DZANK1: variants seen among roughly 807,000 people sequenced by gnomAD.
DZANK1 encodes the protein double zinc ribbon and ankyrin repeat domains 1, also known as double zinc ribbon and ankyrin repeat-containing protein 1.
Under a neutral mutation model 94.5 loss-of-function variants are expected in DZANK1, and 91 were observed. The observed-to-expected ratio is 0.96, with a 90% CI of 0.81 to 1.15. DZANK1 has a LOEUF of 1.15. Ranked by LOEUF, DZANK1 falls within the 50% of genes most tolerant of loss-of-function variation. The probability of loss-of-function intolerance (pLI) is 0.00; values close to 1 mark genes in which losing one functional copy is unlikely to be tolerated. For synonymous variants in DZANK1, 312 were observed against 325.3 expected, an observed-to-expected ratio of 0.96 and a Z score of 0.44; for missense variants, 903 against 916.4, an observed-to-expected ratio of 0.99 and a Z score of 0.19.
intron 8 of DZANK1, among the ~76,000 whole-genome samples, chr20:18,436,842 G>A (rs1051615713): frequency 2.6e-5 from 4 of 152,102 alleles, no homozygotes; most frequent in South Asian, 2.1e-4. Flanking sequence ...AAAAAACCAC[G>A]CATCAAAAAC....
At chr20:18,445,900 G>A (rs1257054255) in intron 7 of DZANK1, among the ~76,000 whole-genome samples, 5 of 152,072 alleles carry the variant, frequency 3.3e-5, no homozygotes, top group Non-Finnish European at 7.4e-5. Context: ...GGGATTGACA[G>A]GCATGTGCCA....
At chr20:18,433,882 G>A (rs1259850735) in intron 8 of DZANK1, 117 bp from the exon 9 acceptor site, 3 of 845,300 alleles carry the variant, frequency 3.5e-6, no homozygotes, top group Non-Finnish European at 5.5e-6. Flanking sequence ...GATCTCATCT[G>A]ATCTCAAAAC....
In DZANK1 at chr20:18,445,008, T is replaced by C. The variant is rs987285883; in HGVS notation, c.630-1544A>G. Among the ~76,000 whole-genome samples the C allele has an allele frequency of 3.9e-5, 6 of 151,944 alleles. No homozygotes were observed. In the East Asian group the frequency reaches 7.8e-4, roughly 20 times the overall value. On this transcript the variant is annotated intron_variant, in intron 7 of 20. Coordinates refer to ENST00000262547, the Ensembl canonical transcript of DZANK1. ...AGTTTTAGTAGAGATGGGGTTTCAC[T>C]GTGTTAGCCAAGATGATCTCGATCT...
At chr20:18,387,753 T>C (rs1488133591) in intron 19 of DZANK1, among the ~76,000 whole-genome samples, 1 of 152,202 alleles carries the variant, frequency 6.6e-6, no homozygotes, top group Admixed American at 6.5e-5. Flanking sequence ...GTAGGAATGA[T>C]ACAAACATGG....
At chr20:18,394,932 CATA>C in intron 15 of DZANK1, 2 of 455,102 alleles carry the variant, frequency 4.4e-6, no homozygotes, top group Admixed American at 4.7e-5. Flanking sequence ...TGGGCGTCTA[CATA>C]ATGAGGCCAG....
chr20:18,437,001 C>T (rs746798972), intron 8 of DZANK1, among the ~76,000 whole-genome samples: 16 of 152,104 alleles, frequency 1.1e-4, no homozygotes, highest in Non-Finnish European at 1.5e-4. Flanking sequence ...AGAGAAATGG[C>T]TATCAGGCAT....
chr20:18,403,801 T>C (rs1023636860), intron 13 of DZANK1, among the ~76,000 whole-genome samples: 27 of 146,802 alleles, frequency 1.8e-4, no homozygotes, highest in African/African-American at 6.3e-4. Flanking sequence ...TCTTTCTTTT[T>C]TTTTTTTTTT....
chr20:18,384,917 C>T, intron 20 of DZANK1, 99 bp downstream of exon 20: 2 of 1,173,884 alleles, frequency 1.7e-6, no homozygotes, highest in Non-Finnish European at 1.2e-6. Flanking sequence ...TGGACAGGGA[C>T]AGCAGTTCAG....
At chr20:18,435,763 T>TAA (rs527816359) in intron 8 of DZANK1, among the ~76,000 whole-genome samples, 2 of 138,876 alleles carry the variant, frequency 1.4e-5, no homozygotes, top group Non-Finnish European at 3.2e-5. Context: ...AAAGTATAAT[T>TAA]AAAAAAAAAA....
intron 1 of DZANK1, 62 bp downstream of exon 1, chr20:18,466,934 G>C (rs1270295089): frequency 6.5e-6 from 1 of 152,700 alleles, no homozygotes; most frequent in Admixed American, 6.5e-5. Flanking sequence ...CTAACCGCGG[G>C]GCCCGGGATC....
chr20:18,449,208 T>C (rs964964274), intron 6 of DZANK1, 139 bp from the exon 7 acceptor site: 18 of 694,166 alleles, frequency 2.6e-5, no homozygotes, highest in African/African-American at 3.6e-5. Context: ...ATAGACACTA[T>C]AGACTCTAAA....
intron 13 of DZANK1, among the ~76,000 whole-genome samples, chr20:18,403,796 C>CTTTTTT (rs35824877): frequency 4.7e-4 from 52 of 111,736 alleles, no homozygotes; most frequent in Non-Finnish European, 5.2e-4. Context: ...AACTTTCTTT[C>CTTTTTT]TTTTTTTTTT....
intron 8 of DZANK1, among the ~76,000 whole-genome samples, chr20:18,434,545 CAAAAAAA>C (rs55680576): frequency 2.1e-5 from 1 of 47,560 alleles, no homozygotes; most frequent in Non-Finnish European, 4.1e-5. Context: ...GACTCCTGCT[CAAAAAAA>C]AAAAAAAAAA....
rs536759611 is a variant in DZANK1, at chr20:18,391,351, A to C, written c.1810-892T>G. On this transcript the variant is annotated intron_variant, in intron 17 of 20. Transcript: ENST00000262547. ...TAGGTTTCAGCAATTCTCCTGTCTCAGCCTCCTGAGTAGCTGGGACTACAG... is the reference window on the plus strand; with the variant it reads ...TAGGTTTCAGCAATTCTCCTGTCTCCGCCTCCTGAGTAGCTGGGACTACAG... 1.8e-4 allele frequency among the ~76,000 whole-genome samples: 28 copies of C among 152,120 alleles called. No homozygotes were observed. The East Asian group carries it at 5.2e-3, about 28-fold the overall frequency.
At chr20:18,449,162 T>C (rs2059001282) in intron 6 of DZANK1, 93 bp from the exon 7 acceptor site, 6 of 983,548 alleles carry the variant, frequency 6.1e-6, no homozygotes, top group Non-Finnish European at 9.5e-6. Context: ...TAAAAATCAT[T>C]ATGGGTGAAT....
intron 9 of DZANK1, among the ~76,000 whole-genome samples, chr20:18,431,698 T>A (rs1344886082): frequency 1.3e-5 from 2 of 152,144 alleles, no homozygotes. Context: ...ACAAATCAAG[T>A]CTGGTTAAAA....
intron 10 of DZANK1, among the ~76,000 whole-genome samples, chr20:18,417,024 C>CAAAAAAAAA (rs758353663): frequency 1.9e-5 from 1 of 52,920 alleles, no homozygotes; most frequent in Non-Finnish European, 5.0e-5. Context: ...ATCAAAAAAA[C>CAAAAAAAAA]AAAAAAAAAC....
chr20:18,434,915 C>T (rs926459125), intron 8 of DZANK1, among the ~76,000 whole-genome samples: 8 of 152,176 alleles, frequency 5.3e-5, no homozygotes, highest in Admixed American at 1.3e-4. Context: ...GTAATCGATG[C>T]ACTGACTGGC....
chr20:18,390,986 A>G (rs1169555402), intron 17 of DZANK1, among the ~76,000 whole-genome samples: 1 of 152,192 alleles, frequency 6.6e-6, no homozygotes, highest in East Asian at 1.9e-4. Context: ...ATTTGAGGTC[A>G]GGAGTTTGAG....
Sources: gnomAD v4.1 joint callset for allele counts (sites outside exome capture counted in the v4.1 genomes callset) on GRCh38, gnomAD v4.1.1 for gene constraint, MANE v1.5 for transcripts, NCBI Gene and HGNC (gene_info 2026-07-23, HGNC 2026-07-21) for gene names.